The following INTS13 variants were observed in gnomAD, a reference collection of about 807,000 sequenced individuals.
The protein encoded by INTS13 is integrator complex subunit 13.
INTS13 carries 35 observed loss-of-function variants against 90.2 expected under a neutral mutation model. The observed-to-expected ratio is 0.39, with a 90% CI of 0.30 to 0.51. The LOEUF (loss-of-function observed/expected upper bound fraction) is 0.51, where lower values mean the gene tolerates loss of function less well. INTS13 is among the 20% of genes least tolerant of loss of function. INTS13 has a pLI of 0.80. For synonymous variants in INTS13, 309 were observed against 277.1 expected (o/e 1.11, Z -1.14); for missense variants, 601 against 851.2 (o/e 0.71, Z 3.66).
At chr12:26,913,389 A>AT in intron 14 of INTS13, 68 bp downstream of exon 14, 1 of 1,133,556 alleles carries the variant, frequency 8.8e-7, no homozygotes, top group East Asian at 2.4e-5. Flanking sequence ...TGAATGTATG[A>AT]AAGTGTTCTA....
intron 3 of INTS13, among the ~76,000 whole-genome samples, chr12:26,931,017 G>C (rs891592394): frequency 9.2e-5 from 14 of 151,934 alleles, no homozygotes; most frequent in African/African-American, 3.4e-4. Context: ...GGTTAGCTTT[G>C]TTTACATATA....
chr12:26,937,353 C>T (rs1160724675), intron 1 of INTS13, among the ~76,000 whole-genome samples: 1 of 152,102 alleles, frequency 6.6e-6, no homozygotes, highest in Non-Finnish European at 1.5e-5. Flanking sequence ...CTAAGATAAC[C>T]GCACATCAGG....
chr12:26,920,393 AT>A (rs1952075974), intron 8 of INTS13, among the ~76,000 whole-genome samples: 1 of 137,842 alleles, frequency 7.3e-6, no homozygotes, highest in South Asian at 2.5e-4. Flanking sequence ...TACAAAGGAT[AT>A]TTTTGACACT....
intron 6 of INTS13, among the ~76,000 whole-genome samples, chr12:26,924,914 C>T (rs576469722): frequency 2.0e-4 from 31 of 152,012 alleles, no homozygotes; most frequent in Non-Finnish European, 3.2e-4. Context: ...ATGTGGAAAT[C>T]GCCACAAAAA....
Position 26,915,055 on chromosome 12 carries a change from C to T in INTS13, c.1249-477G>A, listed in dbSNP as rs1313613829. On this transcript the variant is annotated intron_variant, in intron 11 of 16. Coordinates refer to ENST00000261191, the MANE Select transcript of INTS13 (RefSeq NM_018164.3). ...CAGCCTGGCCAACATGGTGAAACCC[C>T]ATCTTTACTAAAATACAAAAATTAG... Among the ~76,000 whole-genome samples, 8 of 152,154 alleles carry T rather than the reference C, an allele frequency of 5.3e-5. No individual in the cohort carries two copies. The East Asian group carries it at 1.4e-3, about 26-fold the overall frequency.
At position 26,922,718 on chromosome 12, in the gene INTS13, A is replaced by G. The variant is rs1937652258; in HGVS notation, c.805-18T>C. The stretch of plus-strand genomic sequence containing the variant: ...TGTTCTTCCTTGAAGTAAAATTTCA[A>G]ACATTTTAAAAAACTTGGTTTTGCT... On this transcript the variant is annotated intron_variant, in intron 7 of 16. Transcript: ENST00000261191. 6.6e-7 allele frequency: 1 copy of G among 1,504,318 alleles called. No homozygotes were observed. Among genetic ancestry groups the G allele is most frequent in the South Asian group, 1.3e-5 (1 of 74,104 alleles). The allele number at this position is 1,504,318 out of a possible 1,614,324, so 93.2% of individuals were successfully genotyped here.
chr12:26,919,951 ACCCCG>A (rs898916338), intron 8 of INTS13, among the ~76,000 whole-genome samples: 3 of 152,006 alleles, frequency 2.0e-5, no homozygotes, highest in African/African-American at 7.2e-5. Context: ...ACACGGTGAA[ACCCCG>A]TCTCTATTAA....
intron 5 of INTS13, 126 bp downstream of exon 5, chr12:26,928,079 T>C: frequency 1.7e-6 from 1 of 587,000 alleles, no homozygotes; most frequent in Non-Finnish European, 2.8e-6. Context: ...CAAACATACA[T>C]TTTTTGACTA....
At chr12:26,931,434 ACT>A (rs1469108860) in intron 3 of INTS13, among the ~76,000 whole-genome samples, 2 of 144,304 alleles carry the variant, frequency 1.4e-5, no homozygotes, top group Non-Finnish European at 3.0e-5. Flanking sequence ...ACAGAGCGAG[ACT>A]CTGTCTCAAA....
At chr12:26,927,268 A>AG (rs1175489607) in intron 5 of INTS13, among the ~76,000 whole-genome samples, 2 of 152,240 alleles carry the variant, frequency 1.3e-5, no homozygotes, top group African/African-American at 4.8e-5. Flanking sequence ...GGGAACCACT[A>AG]GTCGAGATTT....
chr12:26,909,774 G>A (rs1951722034), intron 15 of INTS13, among the ~76,000 whole-genome samples: 1 of 152,182 alleles, frequency 6.6e-6, no homozygotes, highest in Non-Finnish European at 1.5e-5. Context: ...GGTGATCTCT[G>A]GCTTCAAAGA....
chr12:26,913,166 A>G (rs1592201844), intron 14 of INTS13, among the ~76,000 whole-genome samples: 1 of 152,304 alleles, frequency 6.6e-6, no homozygotes, highest in Non-Finnish European at 1.5e-5. Context: ...ATGTCTGTGA[A>G]GTTCACAACA....
intron 4 of INTS13, 124 bp from the exon 5 acceptor site, chr12:26,928,409 T>G: frequency 1.3e-6 from 1 of 792,950 alleles, no homozygotes. Context: ...GGACTATCTT[T>G]AGTGTGCTAA....
At position 26,937,802 on chromosome 12, in the gene INTS13, G is replaced by T. The variant is rs986672464; in HGVS notation, c.-18C>A. 4 of 152,742 alleles carry T rather than the reference G, an allele frequency of 2.6e-5. No homozygotes were observed. The highest frequency in any genetic ancestry group is 2.4e-5 in the African/African-American group (1 of 41,458). 9.5% of individuals were successfully genotyped at this position (152,742 alleles called of 1,614,324 possible). On this transcript the variant is annotated 5_prime_UTR_variant, in exon 1 of 17. Coordinates refer to ENST00000261191, the MANE Select transcript of INTS13 (RefSeq NM_018164.3). ...AGGATCGAGGTTCGCTTACTTTCGT[G>T]CCTGGTCCTGCAGTGAAAACGAACA...
intron 15 of INTS13, among the ~76,000 whole-genome samples, chr12:26,909,465 T>C (rs970532876): frequency 4.1e-5 from 6 of 147,008 alleles, no homozygotes; most frequent in East Asian, 2.0e-4. Context: ...CCAGTATAGA[T>C]AATACTCTTT....
At position 26,936,559 on chromosome 12, in the gene INTS13, T is replaced by C; in HGVS notation, c.225+20A>G. 1 of 1,537,838 alleles carries C rather than the reference T, an allele frequency of 6.5e-7. No homozygotes were observed. Among genetic ancestry groups the C allele is most frequent in the Non-Finnish European group, 9.0e-7 (1 of 1,112,504 alleles). ...AAGTACATCCCCAAAATCATGATTT[T>C]GTTTGTACTTCACACTCACCAGCTT... On this transcript the variant is annotated intron_variant, in intron 2 of 16. Coordinates refer to ENST00000261191, the MANE Select transcript of INTS13 (RefSeq NM_018164.3).
At chr12:26,925,499 C>T (rs1035456144) in intron 6 of INTS13, among the ~76,000 whole-genome samples, 1 of 151,776 alleles carries the variant, frequency 6.6e-6, no homozygotes, top group Non-Finnish European at 1.5e-5. Flanking sequence ...ATTTTAGGAA[C>T]AATACAAACT....
chr12:26,923,919 A>T (rs1223315445), intron 7 of INTS13, among the ~76,000 whole-genome samples: 1 of 152,178 alleles, frequency 6.6e-6, no homozygotes, highest in Non-Finnish European at 1.5e-5. Context: ...TTTAAAATAG[A>T]AATTATATTT....
chr12:26,906,388 A>T lies in INTS13; in HGVS notation c.1995T>A (p.Asn665Lys), dbSNP rs759233692. ...SLWSNRINTA[N>K]SRKHQEFAGR... ...CAGCAAATTCCTGATGTTTTCTGGA[A>T]TTGGCAGTATTGATTCTATTACTCC... The change falls in exon 16 of 17, where the codon AAT becomes AAA. Residue 665 changes from asparagine (N) to lysine (K), a missense_variant. This residue lies in a region of INTS13 where 228 missense variants were observed against 272.5 expected (regional missense o/e 0.84). Coordinates refer to ENST00000261191, the MANE Select transcript of INTS13 (RefSeq NM_018164.3). 6.2e-7 allele frequency: 1 copy of T among 1,611,294 alleles called. No homozygotes were observed. The highest frequency in any genetic ancestry group is 1.7e-5 in the Admixed American group (1 of 59,900).
Sources: gnomAD v4.1 joint callset for allele counts (sites outside exome capture counted in the v4.1 genomes callset) on GRCh38, gnomAD v4.1.1 for gene constraint, gnomAD v4.1.1 regional missense constraint, MANE v1.5 for transcripts, NCBI Gene and HGNC (gene_info 2026-07-23, HGNC 2026-07-21) for gene names.